Variants in S1PR4 observed in about 807,000 individuals in gnomAD.
S1PR4 encodes sphingosine 1-phosphate receptor 4.
S1PR4 carries 1 observed loss-of-function variant against 0.4 expected under a neutral mutation model. That is an observed-to-expected ratio of 2.48 (90% CI 0.88 to 11.76). The LOEUF (loss-of-function observed/expected upper bound fraction) is 11.76, where lower values mean the gene tolerates loss of function less well. Ranked by LOEUF, S1PR4 falls within the 30% of genes most tolerant of loss-of-function variation. S1PR4 has a pLI of 0.12. For synonymous variants in S1PR4, 296 were observed against 266.7 expected, an observed-to-expected ratio of 1.11 and a Z score of -1.07; for missense variants, 595 against 557.8, an observed-to-expected ratio of 1.07 and a Z score of -0.67.
Position 3,179,249 on chromosome 19 carries a change from G to T in S1PR4, c.457G>T (p.Glu153Ter). 2 of 1,598,426 alleles carry T rather than the reference G, an allele frequency of 1.3e-6. No homozygotes were observed. The highest frequency in any genetic ancestry group is 1.7e-6 in the Non-Finnish European group (2 of 1,172,092). The change falls in exon 1 of 1, where the codon GAG becomes TAG. Residue 153 changes from glutamate to a stop codon, truncating the protein, a stop_gained. Coordinates refer to ENST00000246115, the MANE Select transcript of S1PR4 (RefSeq NM_003775.4). LOFTEE classifies it low-confidence loss of function (END_TRUNC). Reference protein sequence around the residue: ...RFATMVRPVAESGATKTSRVY... With the variant: ...RFATMVRPVA The stretch of plus-strand genomic sequence containing the variant: ...TGCCACCATGGTGCGGCCGGTGGCC[G>T]AGAGCGGGGCCACCAAGACCAGCCG...
In S1PR4 at chr19:3,179,476, C is replaced by G; in HGVS notation, c.684C>G (p.Arg228=). The change falls in exon 1 of 1, where the codon CGC becomes CGG. Residue 228 remains arginine (R), a synonymous_variant. Coordinates refer to ENST00000246115, the MANE Select transcript of S1PR4 (RefSeq NM_003775.4). The stretch of plus-strand genomic sequence containing the variant: ...TGGGCCTCTATGGGGCCATCTTCCG[C>G]CTGGTGCAGGCCAGCGGGCAGAAGG... ...TIMGLYGAIF[R]LVQASGQKAP... is the part of the protein sequence containing the mutation. 6.2e-7 allele frequency: 1 copy of G among 1,612,566 alleles called. No individual in the cohort carries two copies. Among genetic ancestry groups the G allele is most frequent in the Non-Finnish European group, 8.5e-7 (1 of 1,179,576 alleles).
At position 3,179,220 on chromosome 19, in the gene S1PR4, G is replaced by T; in HGVS notation, c.428G>T (p.Arg143Leu). The change falls in exon 1 of 1, where the codon CGC becomes CTC. Residue 143 changes from arginine (R) to leucine (L), a missense_variant. Physicochemically the swap from Arg to Leu is moderately radical, Grantham distance 102 (BLOSUM62 -2). Coordinates refer to ENST00000246115, the MANE Select transcript of S1PR4 (RefSeq NM_003775.4). ...AGCCTGCTCTTCACTGCAGGGGAGC[G>T]CTTTGCCACCATGGTGCGGCCGGTG... ...TFSLLFTAGE[R>L]FATMVRPVAE... The T allele has an allele frequency of 6.2e-7, 1 of 1,601,878 alleles. No individual in the cohort carries two copies. Among genetic ancestry groups the T allele is most frequent in the Non-Finnish European group, 8.5e-7 (1 of 1,173,568 alleles).
Position 3,179,282 on chromosome 19 carries a change from G to A in S1PR4, c.490G>A (p.Gly164Ser), listed in dbSNP as rs150230356. 3.3e-4 allele frequency: 526 copies of A among 1,606,106 alleles called. 5 individuals carry two copies. In the East Asian group the frequency reaches 3.7e-3, roughly 11 times the overall value. The change falls in exon 1 of 1, where the codon GGC becomes AGC. Residue 164 changes from glycine to serine, a missense_variant. Gly to Ser is a moderately conservative substitution (Grantham distance 56, BLOSUM62 0). Transcript: ENST00000246115. ...SGATKTSRVY[G>S]FIGLCWLLAA... is the part of the protein sequence containing the mutation. The stretch of plus-strand genomic sequence containing the variant: ...GGCCACCAAGACCAGCCGCGTCTAC[G>A]GCTTCATCGGCCTCTGCTGGCTGCT...
chr19:3,178,814 G>T lies in S1PR4; in HGVS notation c.22G>T (p.Val8Leu). The change falls in exon 1 of 1, where the codon GTG (valine) becomes TTG (leucine). Residue 8 changes from valine to leucine, a missense_variant. Transcript: ENST00000246115. ...GGCCATGAACGCCACGGGGACCCCG[G>T]TGGCCCCCGAGTCCTGCCAACAGCT... MNATGTP[V>L]APESCQQLAA... 1.3e-6 allele frequency: 2 copies of T among 1,520,146 alleles called. No individual in the cohort carries two copies. The highest frequency in any genetic ancestry group is 1.8e-6 in the Non-Finnish European group (2 of 1,141,158). 94.2% of individuals were successfully genotyped at this position (1,520,146 alleles called of 1,614,324 possible). A position where few individuals can be genotyped will look rare whatever the true frequency, so the allele number is the denominator to read the frequency against.
At position 3,179,512 on chromosome 19, in the gene S1PR4, A is replaced by C. The variant is rs372690405; in HGVS notation, c.720A>C (p.Pro240=). The C allele has an allele frequency of 1.2e-6, 2 of 1,610,234 alleles. No individual in the cohort carries two copies. Among genetic ancestry groups the C allele is most frequent in the Non-Finnish European group, 1.7e-6 (2 of 1,178,490 alleles). ...CCAGCGGGCAGAAGGCCCCACGCCC[A>C]GCGGCCCGCCGCAAGGCCCGCCGCC... ...VQASGQKAPR[P]AARRKARRLL... is the part of the protein sequence containing the mutation. Residue 240 remains proline, a synonymous_variant, in exon 1 of 1, where the codon CCA becomes CCC. Transcript: ENST00000246115.
In S1PR4 at chr19:3,179,837, T is replaced by C; in HGVS notation, c.1045T>C (p.Ser349Pro). The C allele has an allele frequency of 6.3e-7, 1 of 1,585,584 alleles. No individual in the cohort carries two copies. Among genetic ancestry groups the C allele is most frequent in the Non-Finnish European group, 8.6e-7 (1 of 1,166,136 alleles). Residue 349 changes from serine to proline, a missense_variant, in exon 1 of 1, where the codon TCC becomes CCC. Ser to Pro is a moderately conservative substitution (Grantham distance 74). Transcript: ENST00000246115. ...GGCCGTCGAGGCTCACTCCGGAGCT[T>C]CCACCACCGACAGCTCTCTGAGGCC... ...ARAVEAHSGA[S>P]TTDSSLRPRD...
Position 3,179,851 on chromosome 19 carries a change from C to T in S1PR4, c.1059C>T (p.Ser353=), listed in dbSNP as rs34205484. 2,592 of 1,577,196 alleles carry T rather than the reference C, an allele frequency of 1.6e-3. 46 individuals are homozygous for T. In the African/African-American group the frequency reaches 0.031, roughly 19 times the overall value. The stretch of plus-strand genomic sequence containing the variant: ...ACTCCGGAGCTTCCACCACCGACAG[C>T]TCTCTGAGGCCAAGGGACAGCTTTC... ...EAHSGASTTD[S]SLRPRDSFRG... is the part of the protein sequence containing the mutation. The change falls in exon 1 of 1, where the codon AGC becomes AGT. Residue 353 remains serine (S), a synonymous_variant. Coordinates refer to ENST00000246115, the MANE Select transcript of S1PR4 (RefSeq NM_003775.4).
Position 3,179,690 on chromosome 19 carries a change from T to C in S1PR4, c.898T>C (p.Ser300Pro), listed in dbSNP as rs772210685. The change falls in exon 1 of 1, where the codon TCG becomes CCG. Residue 300 changes from serine (S) to proline (P), a missense_variant. Physicochemically the swap from Ser to Pro is moderately conservative, Grantham distance 74. Coordinates refer to ENST00000246115, the MANE Select transcript of S1PR4 (RefSeq NM_003775.4). ...GATCCTGGCCCTGGCCGTCCTCAAC[T>C]CGGCGGTCAACCCCATCATCTACTC... ...DWILALAVLN[S>P]AVNPIIYSFR... 3.1e-6 allele frequency: 5 copies of C among 1,613,326 alleles called. No individual in the cohort carries two copies. The Admixed American group carries it at 8.3e-5, about 27-fold the overall frequency.
chr19:3,178,891 C>A lies in S1PR4; in HGVS notation c.99C>A (p.Gly33=). ...TTGTTCTGCACTACAACCACTCGGGCCGGCTGGCCGGGCGCGGGGGGCCGG... is the reference window on the plus strand; with the variant it reads ...TTGTTCTGCACTACAACCACTCGGGACGGCTGGCCGGGCGCGGGGGGCCGG... ...RLIVLHYNHS[G]RLAGRGGPED... Residue 33 remains glycine (G), a synonymous_variant, in exon 1 of 1, where the codon GGC becomes GGA. Transcript: ENST00000246115. The A allele has an allele frequency of 6.5e-7, 1 of 1,527,344 alleles. No individual in the cohort carries two copies. The allele number at this position is 1,527,344 out of a possible 1,614,324, so 94.6% of individuals were successfully genotyped here.
At position 3,179,825 on chromosome 19, in the gene S1PR4, C is replaced by A; in HGVS notation, c.1033C>A (p.His345Asn). Residue 345 changes from histidine to asparagine, a missense_variant, in exon 1 of 1, where the codon CAC (histidine) becomes AAC (asparagine). Physicochemically the swap from His to Asn is moderately conservative, Grantham distance 68. Transcript: ENST00000246115. ...GDCLARAVEAHSGASTTDSSL... is the reference protein window; with the variant it reads ...GDCLARAVEANSGASTTDSSL... Reference sequence around the variant, plus strand: ...CTGCCTGGCCCGGGCCGTCGAGGCTCACTCCGGAGCTTCCACCACCGACAG... The same window carrying A: ...CTGCCTGGCCCGGGCCGTCGAGGCTAACTCCGGAGCTTCCACCACCGACAG... 1 of 1,589,110 alleles carries A rather than the reference C, an allele frequency of 6.3e-7. No individual in the cohort carries two copies. The highest frequency in any genetic ancestry group is 1.1e-5 in the South Asian group (1 of 89,290).
In S1PR4 at chr19:3,179,501, G is replaced by A. The variant is rs775088262; in HGVS notation, c.709G>A (p.Ala237Thr). 3.7e-6 allele frequency: 6 copies of A among 1,609,792 alleles called. No individual in the cohort carries two copies. The highest frequency in any genetic ancestry group is 2.7e-5 in the African/African-American group (2 of 74,888). Reference protein sequence around the residue: ...FRLVQASGQKAPRPAARRKAR... With the variant: ...FRLVQASGQKTPRPAARRKAR... ...CCTGGTGCAGGCCAGCGGGCAGAAG[G>A]CCCCACGCCCAGCGGCCCGCCGCAA... Residue 237 changes from alanine to threonine, a missense_variant, in exon 1 of 1, where the codon GCC becomes ACC. By Grantham distance (58) the Ala-to-Thr change is moderately conservative. Transcript: ENST00000246115.
Position 3,180,189 on chromosome 19 carries a change from G to T in S1PR4, c.*242G>T, listed in dbSNP as rs1247000115. 3 of 435,272 alleles carry T rather than the reference G, an allele frequency of 6.9e-6. No homozygotes were observed. The highest frequency in any genetic ancestry group is 1.3e-5 in the Non-Finnish European group (3 of 239,396). 27.0% of individuals were successfully genotyped at this position (435,272 alleles called of 1,614,324 possible). A position where few individuals can be genotyped will look rare whatever the true frequency, so the allele number is the denominator to read the frequency against. Reference sequence around the variant, plus strand: ...TAGGAGCAGAGAGCACCCTGGTGTGGGGGCGAGTGGGTTCCCCACAACCCC... The same window carrying T: ...TAGGAGCAGAGAGCACCCTGGTGTGTGGGCGAGTGGGTTCCCCACAACCCC... On this transcript the variant is annotated 3_prime_UTR_variant, in exon 1 of 1. Coordinates refer to ENST00000246115, the MANE Select transcript of S1PR4 (RefSeq NM_003775.4).
rs373572879 is a variant in S1PR4, at chr19:3,179,191, C to T, written c.399C>T (p.Thr133=). 31 of 1,609,000 alleles carry T rather than the reference C, an allele frequency of 1.9e-5. No individual in the cohort carries two copies. The highest frequency in any genetic ancestry group is 2.6e-5 in the Non-Finnish European group (31 of 1,177,724). The change falls in exon 1 of 1, where the codon ACC becomes ACT. Residue 133 remains threonine, a synonymous_variant. Coordinates refer to ENST00000246115, the MANE Select transcript of S1PR4 (RefSeq NM_003775.4). The part of the protein sequence containing the change: ...GLLFTALAAS[T]FSLLFTAGER... ...TCTTCACCGCCCTGGCCGCCTCCAC[C>T]TTCAGCCTGCTCTTCACTGCAGGGG...
At position 3,179,643 on chromosome 19, in the gene S1PR4, A is replaced by G. The variant is rs1915506338; in HGVS notation, c.851A>G (p.Glu284Gly). 1 of 1,613,322 alleles carries G rather than the reference A, an allele frequency of 6.2e-7. No homozygotes were observed. Among genetic ancestry groups the G allele is most frequent in the East Asian group, 2.2e-5 (1 of 44,856 alleles). Reference sequence around the variant, plus strand: ...TTTGGCTCCAACCTCTGGGCCCAGGAGTACCTGCGGGGCATGGACTGGATC... The same window carrying G: ...TTTGGCTCCAACCTCTGGGCCCAGGGGTACCTGCGGGGCATGGACTGGATC... ...DVFGSNLWAQ[E>G]YLRGMDWILA... Residue 284 changes from glutamate to glycine, a missense_variant, in exon 1 of 1, where the codon GAG (glutamate) becomes GGG (glycine). Transcript: ENST00000246115.
At position 3,179,455 on chromosome 19, in the gene S1PR4, C is replaced by T. The variant is rs1326475893; in HGVS notation, c.663C>T (p.Gly221=). The change falls in exon 1 of 1, where the codon GGC becomes GGT. Residue 221 remains glycine (G), a synonymous_variant. Transcript: ENST00000246115. The part of the protein sequence containing the change: ...IFAGVLATIM[G]LYGAIFRLVQ... ...CCGGCGTCCTGGCCACCATCATGGG[C>T]CTCTATGGGGCCATCTTCCGCCTGG... 7 of 1,613,166 alleles carry T rather than the reference C, an allele frequency of 4.3e-6. No individual in the cohort carries two copies. Among genetic ancestry groups the T allele is most frequent in the East Asian group, 4.5e-5 (2 of 44,874 alleles).
Position 3,180,215 on chromosome 19 carries a change from G to A in S1PR4, c.*268G>A, listed in dbSNP as rs534052192. ...GGGCGAGTGGGTTCCCCACAACCCCGCTTCTGTGTGATTCTGGGGAAGTCC... is the reference window on the plus strand; with the variant it reads ...GGGCGAGTGGGTTCCCCACAACCCCACTTCTGTGTGATTCTGGGGAAGTCC... On this transcript the variant is annotated 3_prime_UTR_variant, in exon 1 of 1. Coordinates refer to ENST00000246115, the MANE Select transcript of S1PR4 (RefSeq NM_003775.4). 5.1e-5 allele frequency: 21 copies of A among 412,672 alleles called. No individual in the cohort carries two copies. Among genetic ancestry groups the A allele is most frequent in the South Asian group, 2.7e-4 (3 of 10,932 alleles). 25.6% of individuals were successfully genotyped at this position (412,672 alleles called of 1,614,324 possible).
chr19:3,179,371 C>T lies in S1PR4; in HGVS notation c.579C>T (p.Cys193=), dbSNP rs201034199. The T allele has an allele frequency of 5.0e-5, 80 of 1,613,162 alleles. No homozygotes were observed. Among genetic ancestry groups the T allele is most frequent in the Non-Finnish European group, 6.1e-5 (72 of 1,179,944 alleles). The change falls in exon 1 of 1, where the codon TGC becomes TGT. Residue 193 remains cysteine (C), a synonymous_variant. Transcript: ENST00000246115. ...GWNCLCAFDR[C]SSLLPLYSKR... Reference sequence around the variant, plus strand: ...ACTGCCTGTGCGCCTTTGACCGCTGCTCCAGCCTTCTGCCCCTCTACTCCA... The same window carrying T: ...ACTGCCTGTGCGCCTTTGACCGCTGTTCCAGCCTTCTGCCCCTCTACTCCA...
Position 3,180,307 on chromosome 19 carries a change from G to C in S1PR4, c.*360G>C, listed in dbSNP as rs1162111845. On this transcript the variant is annotated 3_prime_UTR_variant, in exon 1 of 1. Coordinates refer to ENST00000246115, the MANE Select transcript of S1PR4 (RefSeq NM_003775.4). ...GGGTGGACTGTGGGATGCATGCCCT[G>C]GCAACATTGAAGTTCGATCATGGTA... 4 of 265,078 alleles carry C rather than the reference G, an allele frequency of 1.5e-5. No individual in the cohort carries two copies. The highest frequency in any genetic ancestry group is 8.9e-5 in the African/African-American group (4 of 45,034). The allele number at this position is 265,078 out of a possible 1,614,324, so 16.4% of individuals were successfully genotyped here.
chr19:3,178,914 C>A lies in S1PR4; in HGVS notation c.122C>A (p.Pro41Gln). 6.6e-7 allele frequency: 1 copy of A among 1,523,488 alleles called. No homozygotes were observed. 94.4% of individuals were successfully genotyped at this position (1,523,488 alleles called of 1,614,324 possible). ...HSGRLAGRGG[P>Q]EDGGLGALRG... ...GGCCGGCTGGCCGGGCGCGGGGGGC[C>A]GGAGGATGGCGGCCTGGGGGCCCTG... Residue 41 changes from proline (P) to glutamine (Q), a missense_variant, in exon 1 of 1, where the codon CCG (proline) becomes CAG (glutamine). Physicochemically the swap from Pro to Gln is moderately conservative, Grantham distance 76 (BLOSUM62 -1). Transcript: ENST00000246115.
Sources: allele counts gnomAD v4.1 joint callset, GRCh38; gene constraint gnomAD v4.1.1; transcripts MANE v1.5; gene names NCBI Gene and HGNC (gene_info 2026-07-23, HGNC 2026-07-21).